The following FAM114A2 variants were observed in gnomAD, a reference collection of about 807,000 sequenced individuals.
The protein encoded by FAM114A2 is family with sequence similarity 114 member A2.
In FAM114A2, 53 loss-of-function variants were observed where a neutral mutation model predicts 58.4. The ratio of observed to expected loss-of-function variants is 0.91; its 90% CI spans 0.73 to 1.14. FAM114A2 has a LOEUF of 1.14. Among genes scored for constraint, FAM114A2 ranks in the 50% most tolerant of loss-of-function variants. FAM114A2 has a pLI of 0.00. For missense variants in FAM114A2, 601 were observed against 581.1 expected, an observed-to-expected ratio of 1.03 and a Z score of -0.35; for synonymous variants, 228 against 211.4, an observed-to-expected ratio of 1.08 and a Z score of -0.68.
intron 12 of FAM114A2, among the ~76,000 whole-genome samples, chr5:153,996,923 G>T (rs188632345): frequency 6.0e-5 from 9 of 150,674 alleles, no homozygotes; most frequent in Non-Finnish European, 1.0e-4. Flanking sequence ...CTTGGACCCA[G>T]GAGGCAGAGG....
At chr5:154,016,242 T>C (rs1318810579) in intron 8 of FAM114A2, among the ~76,000 whole-genome samples, 2 of 152,176 alleles carry the variant, frequency 1.3e-5, no homozygotes, top group Non-Finnish European at 2.9e-5. Flanking sequence ...GACTTAGGCA[T>C]CCAAATACAA....
chr5:154,004,472 T>TA (rs1770219702), intron 9 of FAM114A2, among the ~76,000 whole-genome samples: 1 of 152,222 alleles, frequency 6.6e-6, no homozygotes, highest in Admixed American at 6.5e-5. Context: ...TGACCTCTCC[T>TA]GAAAACTTAT....
intron 8 of FAM114A2, among the ~76,000 whole-genome samples, chr5:154,013,795 TG>T (rs1424311475): frequency 6.6e-6 from 1 of 152,240 alleles, no homozygotes; most frequent in Non-Finnish European, 1.5e-5. Context: ...ATTAATTTCT[TG>T]GTTTCCTGCT....
intron 6 of FAM114A2, among the ~76,000 whole-genome samples, chr5:154,027,743 C>G (rs1281799811): frequency 6.6e-6 from 1 of 152,152 alleles, no homozygotes; most frequent in African/African-American, 2.4e-5. Context: ...TCAACTGATT[C>G]ACCTACCTCG....
At chr5:154,013,484 G>T (rs999427541) in intron 8 of FAM114A2, among the ~76,000 whole-genome samples, 5 of 152,146 alleles carry the variant, frequency 3.3e-5, no homozygotes, top group Admixed American at 1.3e-4. Context: ...GGGAAGGCTG[G>T]GGCACAGTGA....
chr5:154,015,202 G>A (rs1015511116), intron 8 of FAM114A2, among the ~76,000 whole-genome samples: 2 of 152,032 alleles, frequency 1.3e-5, no homozygotes, highest in Non-Finnish European at 2.9e-5. Context: ...CCTGATAACT[G>A]AAGACAAAGA....
intron 9 of FAM114A2, among the ~76,000 whole-genome samples, chr5:154,010,251 T>C (rs759292407): frequency 7.9e-5 from 12 of 152,216 alleles, no homozygotes; most frequent in Non-Finnish European, 1.8e-4. Context: ...GCATAAAAGG[T>C]ATACAAATAT....
At chr5:154,022,439 G>GA (rs1279392117) in intron 8 of FAM114A2, among the ~76,000 whole-genome samples, 3 of 152,042 alleles carry the variant, frequency 2.0e-5, no homozygotes, top group Admixed American at 1.3e-4. Flanking sequence ...AAATTTACAA[G>GA]AAAAAATCAA....
intron 9 of FAM114A2, among the ~76,000 whole-genome samples, chr5:154,006,769 A>G (rs879721672): frequency 6.6e-6 from 1 of 150,826 alleles, no homozygotes; most frequent in Non-Finnish European, 1.5e-5. Flanking sequence ...AAAAACGGAT[A>G]CCATAAATTT....
chr5:154,002,448 AC>A (rs1404438348), intron 10 of FAM114A2, 58 bp from the exon 11 acceptor site: 286 of 1,557,468 alleles, frequency 1.8e-4, no homozygotes, highest in Non-Finnish European at 2.4e-4. Flanking sequence ...GAAAGATACC[AC>A]CTTACTTCTC....
At chr5:154,003,081 G>A in intron 9 of FAM114A2, 112 bp from the exon 10 acceptor site, 1 of 854,250 alleles carries the variant, frequency 1.2e-6, no homozygotes, top group Non-Finnish European at 1.9e-6. Context: ...GTTCTTACCT[G>A]AACGTACCAT....
chr5:154,002,757 A>G (rs1437140965), intron 10 of FAM114A2, 90 bp downstream of exon 10: 4 of 1,263,714 alleles, frequency 3.2e-6, no homozygotes, highest in African/African-American at 3.0e-5. Context: ...AATTACGGAC[A>G]GCAGTGTAAA....
intron 7 of FAM114A2, 38 bp downstream of exon 7, chr5:154,027,138 G>A (rs1053993404): frequency 1.9e-6 from 3 of 1,546,578 alleles, no homozygotes; most frequent in African/African-American, 2.8e-5. Flanking sequence ...TCTTTTACTT[G>A]AAGACTTTTT....
intron 9 of FAM114A2, 67 bp from the exon 10 acceptor site, chr5:154,003,036 AG>A: frequency 6.9e-7 from 1 of 1,453,590 alleles, no homozygotes; most frequent in Non-Finnish European, 9.6e-7. Context: ...TGCACCTACC[AG>A]GAACACAATA....
chr5:154,021,370 G>C (rs1287494583), intron 8 of FAM114A2, among the ~76,000 whole-genome samples: 2 of 152,190 alleles, frequency 1.3e-5, no homozygotes, highest in Non-Finnish European at 2.9e-5. Flanking sequence ...CCTGTTTGCA[G>C]ATGACATGAT....
At chr5:154,026,896 AAG>A (rs1491380393) in intron 7 of FAM114A2, among the ~76,000 whole-genome samples, 1 of 151,776 alleles carries the variant, frequency 6.6e-6, no homozygotes, top group Non-Finnish European at 1.5e-5. Context: ...AAAAAAAAAA[AAG>A]ACCAAAACGA....
chr5:154,028,284 C>A lies in FAM114A2; in HGVS notation c.496-1G>T. ...AACCCCCACTTATAACACTCTTTCCCTAGAAAATACATGCAACCTCATTAC... is the reference window on the plus strand; with the variant it reads ...AACCCCCACTTATAACACTCTTTCCATAGAAAATACATGCAACCTCATTAC... On this transcript the variant is annotated splice_acceptor_variant, in intron 5 of 13. Transcript: ENST00000351797. LOFTEE classifies it high-confidence loss of function. 6.3e-7 allele frequency: 1 copy of A among 1,585,402 alleles called. No individual in the cohort carries two copies. Among genetic ancestry groups the A allele is most frequent in the Non-Finnish European group, 8.6e-7 (1 of 1,159,848 alleles).
At chr5:154,001,267 A>C (rs1769952360) in intron 11 of FAM114A2, among the ~76,000 whole-genome samples, 1 of 152,226 alleles carries the variant, frequency 6.6e-6, no homozygotes, top group South Asian at 2.1e-4. Flanking sequence ...AATAAAGCAG[A>C]GTAAAAGGAC....
In FAM114A2 at chr5:153,991,702, T is replaced by C. The variant is rs1048461394; in HGVS notation, c.*1274A>G. On this transcript the variant is annotated 3_prime_UTR_variant, in exon 14 of 14. Coordinates refer to ENST00000351797, the MANE Select transcript of FAM114A2 (RefSeq NM_018691.4). ...TGGCTTTGCTTTGCTATTTTTTTTT[T>C]TTTTTTTTGGTCTAAGTAAGATATT... is the stretch of plus-strand genomic sequence containing the variant. The C allele has an allele frequency of 6.6e-6, 1 of 151,794 alleles. No individual in the cohort carries two copies. The highest frequency in any genetic ancestry group is 2.4e-5 in the African/African-American group (1 of 41,376). The allele number at this position is 151,794 out of a possible 1,614,324, so 9.4% of individuals were successfully genotyped here. A position where few individuals can be genotyped will look rare whatever the true frequency, so the allele number is the denominator to read the frequency against.
Sources: allele counts gnomAD v4.1 joint callset (sites outside exome capture counted in the v4.1 genomes callset), GRCh38; gene constraint gnomAD v4.1.1; transcripts MANE v1.5; gene names NCBI Gene and HGNC (gene_info 2026-07-23, HGNC 2026-07-21).